The following ARHGAP10 variants were observed in gnomAD, a reference collection of about 807,000 sequenced individuals.
The protein encoded by ARHGAP10 is rho GTPase-activating protein 10.
Under a neutral mutation model 108.6 loss-of-function variants are expected in ARHGAP10, and 87 were observed. That is an observed-to-expected ratio of 0.80 (90% CI 0.67 to 0.96). ARHGAP10 has a LOEUF of 0.96. Ranked by LOEUF, ARHGAP10 falls within the 40% of genes least tolerant of loss-of-function variation. The probability of loss-of-function intolerance (pLI) is 0.00; values close to 1 mark genes in which losing one functional copy is unlikely to be tolerated. For synonymous variants in ARHGAP10, 347 were observed against 341.1 expected, an observed-to-expected ratio of 1.02 and a Z score of -0.19; for missense variants, 939 against 954.5, an observed-to-expected ratio of 0.98 and a Z score of 0.21.
chr4:147,809,834 C>T (rs968703366), intron 1 of ARHGAP10, among the ~76,000 whole-genome samples: 1 of 152,144 alleles, frequency 6.6e-6, no homozygotes, highest in African/African-American at 2.4e-5. Context: ...GGGTCACGCT[C>T]CTCTGAGAAT....
chr4:147,774,797 A>G (rs1048584529), intron 1 of ARHGAP10, among the ~76,000 whole-genome samples: 1 of 152,188 alleles, frequency 6.6e-6, no homozygotes, highest in Admixed American at 6.5e-5. Context: ...AGATGAGAAG[A>G]ACATTTTGTC....
At chr4:148,010,127 G>A (rs1258749479) in intron 18 of ARHGAP10, among the ~76,000 whole-genome samples, 3 of 152,052 alleles carry the variant, frequency 2.0e-5, no homozygotes, top group African/African-American at 4.8e-5. Flanking sequence ...TCATGAGGTT[G>A]GAGGGAGAAT....
At position 147,739,919 on chromosome 4, in the gene ARHGAP10, A is replaced by G. The variant is rs192883085; in HGVS notation, c.154+7464A>G. On this transcript the variant is annotated intron_variant, in intron 1 of 22. Coordinates refer to ENST00000336498, the MANE Select transcript of ARHGAP10 (RefSeq NM_024605.4). ...CCCGGCTAATTTTTGTATTTTTTGT[A>G]GAGATGGGGTTTCACCACATTGGCC... Among the ~76,000 whole-genome samples, 817 of 151,890 alleles carry G rather than the reference A, an allele frequency of 5.4e-3. 10 individuals are homozygous for G. The highest frequency in any genetic ancestry group is 0.019 in the African/African-American group (785 of 41,396).
intron 13 of ARHGAP10, among the ~76,000 whole-genome samples, chr4:147,921,184 C>T (rs545119995): frequency 6.6e-6 from 1 of 152,220 alleles, no homozygotes; most frequent in South Asian, 2.1e-4. Context: ...TTGTACCAGT[C>T]ACATTTAGCA....
chr4:147,902,252 C>T (rs1199024678), intron 10 of ARHGAP10, among the ~76,000 whole-genome samples: 2 of 152,146 alleles, frequency 1.3e-5, no homozygotes, highest in South Asian at 2.1e-4. Context: ...CAACTCTTGC[C>T]TATCTTCAGT....
At chr4:147,760,025 T>C (rs1003490716) in intron 1 of ARHGAP10, among the ~76,000 whole-genome samples, 3 of 152,174 alleles carry the variant, frequency 2.0e-5, no homozygotes, top group African/African-American at 7.2e-5. Flanking sequence ...GCTGGAATTA[T>C]AGGCATGAGA....
chr4:147,876,114 G>C (rs1180354965), intron 8 of ARHGAP10, among the ~76,000 whole-genome samples: 3 of 152,196 alleles, frequency 2.0e-5, no homozygotes, highest in Admixed American at 2.0e-4. Context: ...GCTTTGAATA[G>C]AAGTTAATGT....
intron 20 of ARHGAP10, among the ~76,000 whole-genome samples, chr4:148,049,725 A>G (rs1014141227): frequency 1.3e-5 from 2 of 151,844 alleles, no homozygotes; most frequent in Non-Finnish European, 2.9e-5. Context: ...ATTATTTGAT[A>G]TTTATATGGA....
At chr4:147,964,416 A>G (rs1398777119) in intron 16 of ARHGAP10, among the ~76,000 whole-genome samples, 1 of 152,110 alleles carries the variant, frequency 6.6e-6, no homozygotes, top group Non-Finnish European at 1.5e-5. Flanking sequence ...GTGCTTCCCC[A>G]CGTGGCTGTG....
intron 13 of ARHGAP10, among the ~76,000 whole-genome samples, chr4:147,925,677 CAG>C: frequency 6.6e-6 from 1 of 152,328 alleles, no homozygotes; most frequent in South Asian, 2.1e-4. Flanking sequence ...AAATTCAAGA[CAG>C]AGATTTTACT....
chr4:147,790,369 C>T (rs570769899), intron 1 of ARHGAP10, among the ~76,000 whole-genome samples: 2 of 152,112 alleles, frequency 1.3e-5, no homozygotes, highest in African/African-American at 2.4e-5. Flanking sequence ...TTGGGGGAAA[C>T]GCAAACATTC....
At chr4:147,736,285 C>G (rs1374862526) in intron 1 of ARHGAP10, among the ~76,000 whole-genome samples, 3 of 152,096 alleles carry the variant, frequency 2.0e-5, no homozygotes, top group Admixed American at 6.5e-5. Flanking sequence ...TACTTCTAGC[C>G]TTGGCATTTT....
chr4:147,881,513 C>T (rs993732812), intron 9 of ARHGAP10, among the ~76,000 whole-genome samples: 3 of 152,106 alleles, frequency 2.0e-5, no homozygotes, highest in East Asian at 1.9e-4. Context: ...TGGTGCATGC[C>T]TGTAATCCCA....
chr4:147,769,356 T>A (rs377095728), intron 1 of ARHGAP10, among the ~76,000 whole-genome samples: 1 of 152,196 alleles, frequency 6.6e-6, no homozygotes. Context: ...CTCAAGATGA[T>A]CCCCTATTTA....
intron 18 of ARHGAP10, among the ~76,000 whole-genome samples, chr4:148,014,727 T>A (rs1189921642): frequency 5.3e-5 from 8 of 152,130 alleles, no homozygotes; most frequent in Admixed American, 5.2e-4. Flanking sequence ...ATTGTCAATA[T>A]GCTGAAACCT....
chr4:148,000,271 G>C (rs1422045197), intron 18 of ARHGAP10, among the ~76,000 whole-genome samples: 1 of 152,120 alleles, frequency 6.6e-6, no homozygotes, highest in African/African-American at 2.4e-5. Flanking sequence ...CTTTTTGATG[G>C]CTGCATAGTA....
chr4:147,858,946 C>G (rs1402013654), intron 5 of ARHGAP10, among the ~76,000 whole-genome samples: 1 of 152,204 alleles, frequency 6.6e-6, no homozygotes, highest in African/African-American at 2.4e-5. Context: ...AGTATGTCAT[C>G]TTTAGTTCCA....
chr4:147,738,884 C>G (rs768873210), intron 1 of ARHGAP10, among the ~76,000 whole-genome samples: 3 of 151,956 alleles, frequency 2.0e-5, no homozygotes, highest in African/African-American at 7.2e-5. Context: ...GCTGGAAAAT[C>G]TTGAAAACAC....
intron 22 of ARHGAP10, among the ~76,000 whole-genome samples, chr4:148,067,197 G>T (rs775264122): frequency 6.6e-6 from 1 of 152,226 alleles, no homozygotes; most frequent in Non-Finnish European, 1.5e-5. Context: ...AATAGTGGAA[G>T]GTGTTCAGAA....
Sources: gnomAD v4.1 joint callset for allele counts (sites outside exome capture counted in the v4.1 genomes callset) on GRCh38, gnomAD v4.1.1 for gene constraint, MANE v1.5 for transcripts, NCBI Gene and HGNC (gene_info 2026-07-23, HGNC 2026-07-21) for gene names.